The following AHDC1 variants were observed in gnomAD, a reference collection of about 807,000 sequenced individuals.
AHDC1 encodes the protein transcription factor Gibbin.
In AHDC1, 7 loss-of-function variants were observed where a neutral mutation model predicts 87.9. The observed-to-expected ratio is 0.08, with a 90% CI of 0.05 to 0.15. The LOEUF (loss-of-function observed/expected upper bound fraction) is 0.15. Ranked by LOEUF, AHDC1 falls within the 10% of genes least tolerant of loss-of-function variation. The pLI is 1.00. For synonymous variants in AHDC1, 1,051 were observed against 1,006.8 expected (o/e 1.04, Z -0.83); for missense variants, 1,841 against 2,253.2 (o/e 0.82, Z 3.70).
intron 3 of AHDC1, among the ~76,000 whole-genome samples, chr1:27,589,513 C>T (rs570779434): frequency 1.3e-5 from 2 of 152,282 alleles, no homozygotes; most frequent in South Asian, 4.2e-4. Context: ...CTACTGTTTG[C>T]ATTTGTGGGT....
intron 8 of AHDC1, among the ~76,000 whole-genome samples, chr1:27,543,138 C>A (rs184403203): frequency 1.3e-5 from 2 of 152,248 alleles, no homozygotes; most frequent in Non-Finnish European, 2.9e-5. Context: ...GCCCTAGCCG[C>A]GTAACCTTGG....
chr1:27,545,076 T>A (rs1193098886), intron 8 of AHDC1, among the ~76,000 whole-genome samples: 1 of 150,562 alleles, frequency 6.6e-6, no homozygotes, highest in Non-Finnish European at 1.5e-5. Context: ...CCCCGCCAGC[T>A]GTTCAGCCCC....
rs950837755 is a variant in AHDC1 at position 27,561,122 on chromosome 1, G to A, written c.-628-2239C>T. On this transcript the variant is annotated intron_variant, in intron 3 of 8. Coordinates refer to ENST00000673934, the MANE Select transcript of AHDC1 (RefSeq NM_001371928.1). This position sits in a 1 kb window ranked among gnomAD's most constrained non-coding sequence, Gnocchi z 4.2. ...TTGGGTGGGCACAGAAACACAGCCC[G>A]GCAGCTCCCAAGCCCTTGGGGAGCC... Among the ~76,000 whole-genome samples the A allele has an allele frequency of 6.6e-6, 1 of 152,176 alleles. No homozygotes were observed. The highest frequency in any genetic ancestry group is 6.5e-5 in the Admixed American group (1 of 15,286).
intron 8 of AHDC1, among the ~76,000 whole-genome samples, chr1:27,543,022 C>T (rs2018998466): frequency 1.3e-5 from 2 of 152,350 alleles, no homozygotes; most frequent in South Asian, 4.1e-4. Flanking sequence ...GGTTTCAAGA[C>T]ACGAAGAGAC....
intron 5 of AHDC1, among the ~76,000 whole-genome samples, chr1:27,553,881 CAT>C (rs1457023759): frequency 6.6e-6 from 1 of 152,070 alleles, no homozygotes; most frequent in Non-Finnish European, 1.5e-5. Flanking sequence ...GCCTGGGTAA[CAT>C]AGCGTGACCT....
rs755966490 is a variant in AHDC1, at chr1:27,548,080, G to A, written c.4036C>T (p.Pro1346Ser). Residue 1346 changes from proline to serine, a missense_variant, in exon 8 of 9, where the codon CCC becomes TCC. Pro to Ser is a moderately conservative substitution (Grantham distance 74). This residue lies in a region of AHDC1 where 505 missense variants were observed against 626.2 expected (regional missense o/e 0.81). Coordinates refer to ENST00000673934, the MANE Select transcript of AHDC1 (RefSeq NM_001371928.1). ...GERDPCDFIG[P>S]YSMNPSTPSD... ...GGCGTGGACGGGTTCATGGAGTAGGGTCCTATGAAGTCACAGGGGTCTCGC... is the reference window on the plus strand; with the variant it reads ...GGCGTGGACGGGTTCATGGAGTAGGATCCTATGAAGTCACAGGGGTCTCGC... 1 of 1,613,942 alleles carries A rather than the reference G, an allele frequency of 6.2e-7. No individual in the cohort carries two copies. Among genetic ancestry groups the A allele is most frequent in the Admixed American group, 1.7e-5 (1 of 60,034 alleles).
At chr1:27,541,308 AT>A (rs1190829926) in intron 8 of AHDC1, among the ~76,000 whole-genome samples, 4 of 151,798 alleles carry the variant, frequency 2.6e-5, no homozygotes, top group Non-Finnish European at 5.9e-5. Context: ...CATGTGGAGG[AT>A]TTTTATTTTT....
In AHDC1 at chr1:27,550,037, G is replaced by T. The variant is rs1178835430; in HGVS notation, c.2079C>A (p.Asp693Glu). The change falls in exon 8 of 9, where the codon GAC (aspartate) becomes GAA (glutamate). Residue 693 changes from aspartate (D) to glutamate (E), a missense_variant. By Grantham distance (45) the Asp-to-Glu change is conservative. Coordinates refer to ENST00000673934, the MANE Select transcript of AHDC1 (RefSeq NM_001371928.1). ...AAKSARCSFS[D>E]FFEGIGKKKK... is the part of the protein sequence containing the mutation. ...TTTTCTTGCCGATGCCCTCAAAGAA[G>T]TCACTGAAGGAGCATCGGGCTGACT... is the stretch of plus-strand genomic sequence containing the variant. 2 of 1,601,654 alleles carry T rather than the reference G, an allele frequency of 1.2e-6. No individual in the cohort carries two copies. Among genetic ancestry groups the T allele is most frequent in the Non-Finnish European group, 1.7e-6 (2 of 1,171,908 alleles).
intron 8 of AHDC1, among the ~76,000 whole-genome samples, chr1:27,543,097 G>A (rs1314787331): frequency 6.6e-6 from 1 of 152,210 alleles, no homozygotes; most frequent in East Asian, 1.9e-4. Context: ...GCTGGATGGT[G>A]GCCTTGGAAA....
chr1:27,536,692 C>T (rs2148186252), intron 8 of AHDC1, among the ~76,000 whole-genome samples: 1 of 152,220 alleles, frequency 6.6e-6, no homozygotes, highest in South Asian at 2.1e-4. Context: ...GAACAGTTGC[C>T]AAGCTAAAGA....
Position 27,550,405 on chromosome 1 carries a change from C to T in AHDC1, c.1711G>A (p.Ala571Thr), listed in dbSNP as rs932382766. The T allele has an allele frequency of 5.0e-6, 8 of 1,611,674 alleles. No individual in the cohort carries two copies. The African/African-American group carries it at 9.3e-5, about 19-fold the overall frequency. Residue 571 changes from alanine (A) to threonine (T), a missense_variant, in exon 8 of 9, where the codon GCA becomes ACA. This residue lies in a region of AHDC1 where 84 missense variants were observed against 111.7 expected (regional missense o/e 0.75). Transcript: ENST00000673934. ...PKEPAVVAAE[A>T]ATVAAATMAM... ...ATGGTGGCCGCTGCCACAGTGGCTG[C>T]CTCGGCCGCCACCACAGCTGGCTCC...
chr1:27,565,010 C>T lies in AHDC1; in HGVS notation c.-628-6127G>A, dbSNP rs538580389. ...ACGGACAGCCTCAGAGCAGAGTCCC[C>T]CTAGCCCCTGGGGGTGGCTGGAGCT... On this transcript the variant is annotated intron_variant, in intron 3 of 8. Transcript: ENST00000673934. The surrounding 1 kb of genome is among the most constrained non-coding windows in gnomAD (Gnocchi z 4.6). Among the ~76,000 whole-genome samples the T allele has an allele frequency of 6.6e-6, 1 of 152,310 alleles. No homozygotes were observed. Among genetic ancestry groups the T allele is most frequent in the Non-Finnish European group, 1.5e-5 (1 of 68,008 alleles).
In AHDC1 at chr1:27,561,762, G is replaced by A. The variant is rs1213434406; in HGVS notation, c.-628-2879C>T. On this transcript the variant is annotated intron_variant, in intron 3 of 8. Transcript: ENST00000673934. The surrounding 1 kb of genome is among the most constrained non-coding windows in gnomAD (Gnocchi z 4.2). The stretch of plus-strand genomic sequence containing the variant: ...GAGGAAGAGGGAGAAAGATACACAG[G>A]GAGACACAGAGACATGGGGAGAGAA... 6.6e-6 allele frequency among the ~76,000 whole-genome samples: 1 copy of A among 151,974 alleles called. No individual in the cohort carries two copies. Among genetic ancestry groups the A allele is most frequent in the Non-Finnish European group, 1.5e-5 (1 of 68,000 alleles).
chr1:27,541,475 C>T (rs1406020026), intron 8 of AHDC1, among the ~76,000 whole-genome samples: 1 of 151,536 alleles, frequency 6.6e-6, no homozygotes, highest in Non-Finnish European at 1.5e-5. Context: ...CACACCACCA[C>T]AACTGGCTAA....
chr1:27,537,813 G>T (rs1322996261), intron 8 of AHDC1, among the ~76,000 whole-genome samples: 2 of 152,178 alleles, frequency 1.3e-5, no homozygotes, highest in Non-Finnish European at 2.9e-5. Flanking sequence ...AGGTGCCAGG[G>T]CATTAAGTGG....
In AHDC1 at chr1:27,551,058, G is replaced by C. The variant is rs977908126; in HGVS notation, c.1058C>G (p.Pro353Arg). Residue 353 changes from proline (P) to arginine (R), a missense_variant, in exon 8 of 9, where the codon CCC (proline) becomes CGC (arginine). Coordinates refer to ENST00000673934, the MANE Select transcript of AHDC1 (RefSeq NM_001371928.1). ...CTCGGCCAGTGGGCAGTGCCCCAGG[G>C]GCTGCTGGGGCTCCAGACGGCGACC... ...VPGRRLEPQQ[P>R]LGHCPLAEPL... 3 of 1,558,702 alleles carry C rather than the reference G, an allele frequency of 1.9e-6. No homozygotes were observed. Among genetic ancestry groups the C allele is most frequent in the Non-Finnish European group, 2.6e-6 (3 of 1,154,206 alleles).
In AHDC1 at chr1:27,565,827, C is replaced by T. The variant is rs1331976702; in HGVS notation, c.-628-6944G>A. Among the ~76,000 whole-genome samples the T allele has an allele frequency of 6.6e-6, 1 of 152,204 alleles. No individual in the cohort carries two copies. Among genetic ancestry groups the T allele is most frequent in the Non-Finnish European group, 1.5e-5 (1 of 68,030 alleles). ...CTCCTGGAACTATCTTCTGTTCCTACCCTGGGCTAGTGGAAGGTAGACTAG... is the reference window on the plus strand; with the variant it reads ...CTCCTGGAACTATCTTCTGTTCCTATCCTGGGCTAGTGGAAGGTAGACTAG... On this transcript the variant is annotated intron_variant, in intron 3 of 8. Transcript: ENST00000673934. This position sits in a 1 kb window ranked among gnomAD's most constrained non-coding sequence, Gnocchi z 4.6.
intron 3 of AHDC1, 137 bp from the exon 4 acceptor site, chr1:27,559,020 T>C (rs1334889003): frequency 2.3e-5 from 9 of 396,430 alleles, no homozygotes; most frequent in Admixed American, 4.4e-5. Context: ...CATCGCATTA[T>C]CCCACCTGGG....
chr1:27,568,574 A>T (rs535733246), intron 3 of AHDC1, among the ~76,000 whole-genome samples: 3 of 152,088 alleles, frequency 2.0e-5, no homozygotes, highest in South Asian at 2.1e-4. Flanking sequence ...GAACACCAGG[A>T]GCGGTGCCCG....
Sources: allele counts gnomAD v4.1 joint callset (sites outside exome capture counted in the v4.1 genomes callset), GRCh38; gene constraint gnomAD v4.1.1; regional missense constraint gnomAD v4.1.1; non-coding constraint Gnocchi (gnomAD v3.1); transcripts MANE v1.5; gene names NCBI Gene and HGNC (gene_info 2026-07-23, HGNC 2026-07-21).